The following COL5A2 variants were observed in gnomAD, a reference collection of about 807,000 sequenced individuals.
The protein encoded by COL5A2 is collagen type V alpha 2 chain.
A neutral mutation model predicts 208.2 loss-of-function variants in COL5A2; 23 were observed. The observed-to-expected ratio is 0.11, with a 90% CI of 0.08 to 0.16. The LOEUF (loss-of-function observed/expected upper bound fraction) is 0.16. Among genes scored for constraint, COL5A2 ranks in the 10% least tolerant of loss-of-function variants. COL5A2 has a pLI of 1.00. For synonymous variants in COL5A2, 625 were observed against 628.5 expected, an observed-to-expected ratio of 0.99 and a Z score of 0.08; for missense variants, 1,590 against 1,956.4, an observed-to-expected ratio of 0.81 and a Z score of 3.53.
At chr2:189,366,099 T>C in the COL5A2 span, among the ~76,000 whole-genome samples, 66 of 152,288 alleles carry the variant, frequency 4.3e-4, no homozygotes, top group African/African-American at 1.5e-3. Flanking sequence ...GAGAGTTCTT[T>C]TATTTTGAGA....
rs778927121 is a variant in COL5A2, at chr2:189,034,198, C to T, written c.4372G>A (p.Gly1458Ser). The part of the protein sequence containing the change: ...DTCSKRNGNV[G>S]KTVFEYRTQN... ...GTTCTATATTCAAAGACAGTCTTGC[C>T]CACATTTCCATTCCGCTTCTGAAAT... The change falls in exon 54 of 54, where the codon GGC (glycine) becomes AGC (serine). Residue 1458 changes from glycine (G) to serine (S), a missense_variant. Gly to Ser is a moderately conservative substitution (Grantham distance 56, BLOSUM62 0). Coordinates refer to ENST00000374866, the MANE Select transcript of COL5A2 (RefSeq NM_000393.5). 1.9e-6 allele frequency: 3 copies of T among 1,613,892 alleles called. No individual in the cohort carries two copies. The highest frequency in any genetic ancestry group is 2.2e-5 in the South Asian group (2 of 91,072).
At chr2:189,191,354 C>T (rs1467465177) in intron 1 of COL5A2, among the ~76,000 whole-genome samples, 2 of 151,938 alleles carry the variant, frequency 1.3e-5, no homozygotes, top group Non-Finnish European at 2.9e-5. Context: ...AAGCTAACTG[C>T]AATAGGCCGG....
At chr2:189,068,516 A>G (rs1041749754) in intron 19 of COL5A2, among the ~76,000 whole-genome samples, 2 of 152,160 alleles carry the variant, frequency 1.3e-5, no homozygotes, top group Non-Finnish European at 2.9e-5. Flanking sequence ...GAATTCAGAG[A>G]ATATATTAAA....
At chr2:189,427,945 A>G in the COL5A2 span, among the ~76,000 whole-genome samples, 2 of 152,150 alleles carry the variant, frequency 1.3e-5, no homozygotes, top group African/African-American at 4.8e-5. Flanking sequence ...CATTTACCCA[A>G]TGCCTTTACC....
At chr2:189,285,071 G>GGTGGGTGTGT in the COL5A2 span, among the ~76,000 whole-genome samples, 1 of 139,702 alleles carries the variant, frequency 7.2e-6, no homozygotes, top group African/African-American at 2.6e-5. Context: ...GCATGCACAT[G>GGTGGGTGTGT]GTGTGTGTGT....
At chr2:189,359,286 A>T in the COL5A2 span, among the ~76,000 whole-genome samples, 3 of 152,064 alleles carry the variant, frequency 2.0e-5, no homozygotes, top group African/African-American at 7.2e-5. Flanking sequence ...TCATAAGCAG[A>T]TGTTGAATTT....
the COL5A2 span, among the ~76,000 whole-genome samples, chr2:189,246,597 A>T: frequency 2.0e-5 from 3 of 152,234 alleles, no homozygotes; most frequent in Non-Finnish European, 4.4e-5. Flanking sequence ...TGACTATAAG[A>T]GGCTGAGAAA....
At chr2:189,053,152 A>C in intron 38 of COL5A2, 134 bp from the exon 39 acceptor site, 1 of 800,668 alleles carries the variant, frequency 1.2e-6, no homozygotes. Context: ...AAGCATACTA[A>C]AGGAAAAAAA....
intron 47 of COL5A2, among the ~76,000 whole-genome samples, 158 bp downstream of exon 47, chr2:189,045,021 C>G (rs1685635122): frequency 6.6e-6 from 1 of 151,848 alleles, no homozygotes; most frequent in South Asian, 2.1e-4. Context: ...ACTCGTATTA[C>G]TTTAAAAAAT....
chr2:189,034,020 G>T lies in COL5A2; in HGVS notation c.*50C>A, dbSNP rs1338174834. 1.2e-6 allele frequency: 2 copies of T among 1,612,088 alleles called. No homozygotes were observed. The highest frequency in any genetic ancestry group is 8.5e-7 in the Non-Finnish European group (1 of 1,178,772). ...TCAAACAGTCAAAGTTCTTGTGAAT[G>T]GCGGTGGTCATTGATGGTGGTGCTC... On this transcript the variant is annotated 3_prime_UTR_variant, in exon 54 of 54. Transcript: ENST00000374866.
At chr2:189,058,664 T>C (rs1685953766) in intron 32 of COL5A2, 137 bp from the exon 33 acceptor site, 1 of 984,948 alleles carries the variant, frequency 1.0e-6, no homozygotes, top group Non-Finnish European at 1.6e-6. Context: ...AATTTAGTGA[T>C]AAGAAATAAA....
the COL5A2 span, among the ~76,000 whole-genome samples, chr2:189,285,855 C>G: frequency 1.3e-5 from 2 of 152,056 alleles, no homozygotes; most frequent in South Asian, 4.1e-4. Context: ...AACCATGAAG[C>G]AAATGAGTGG....
chr2:189,404,177 T>G, the COL5A2 span, among the ~76,000 whole-genome samples: 1 of 152,238 alleles, frequency 6.6e-6, no homozygotes, highest in Non-Finnish European at 1.5e-5. Flanking sequence ...CCCAGAAAGC[T>G]GGTAAAATAT....
At chr2:189,085,624 A>G in intron 10 of COL5A2, 95 bp downstream of exon 10, 3 of 1,034,410 alleles carry the variant, frequency 2.9e-6, no homozygotes, top group Non-Finnish European at 4.5e-6. Context: ...TTCCTACATT[A>G]GGGAGGACCT....
chr2:189,082,528 T>C (rs1471736647), intron 12 of COL5A2, among the ~76,000 whole-genome samples: 1 of 152,220 alleles, frequency 6.6e-6, no homozygotes, highest in Non-Finnish European at 1.5e-5. Context: ...CGTCTAAGCC[T>C]ATAGGGGAAT....
rs776395381 is a variant in COL5A2, at chr2:189,058,864, G to A, written c.2115C>T (p.Gly705=). 1 of 1,613,054 alleles carries A rather than the reference G, an allele frequency of 6.2e-7. No homozygotes were observed. The highest frequency in any genetic ancestry group is 8.5e-7 in the Non-Finnish European group (1 of 1,179,638). The part of the protein sequence containing the change: ...QGVPGDPGAV[G]PLGPRGERGN... ...AAATACTTACTCTAGGTCCTAACGGGCCAACTGCTCCGGGATCTCCAGGAA... is the reference window on the plus strand; with the variant it reads ...AAATACTTACTCTAGGTCCTAACGGACCAACTGCTCCGGGATCTCCAGGAA... The change falls in exon 32 of 54, where the codon GGC becomes GGT. Residue 705 remains glycine, a synonymous_variant. Transcript: ENST00000374866.
the COL5A2 span, among the ~76,000 whole-genome samples, chr2:189,334,761 G>A: frequency 1.3e-5 from 2 of 151,928 alleles, no homozygotes; most frequent in Non-Finnish European, 2.9e-5. Context: ...CAAAGTATTA[G>A]AAAAGCCAAA....
the COL5A2 span, among the ~76,000 whole-genome samples, chr2:189,405,117 A>T: frequency 6.6e-6 from 1 of 152,224 alleles, no homozygotes; most frequent in Non-Finnish European, 1.5e-5. Flanking sequence ...TATAGGCATT[A>T]ACCATTATTA....
chr2:189,196,870 A>G (rs1308891114), intron 1 of COL5A2, among the ~76,000 whole-genome samples: 1 of 152,206 alleles, frequency 6.6e-6, no homozygotes, highest in East Asian at 1.9e-4. Context: ...TAGTTCAACC[A>G]TTGTGAAAGA....
Sources: gnomAD v4.1 joint callset for allele counts (sites outside exome capture counted in the v4.1 genomes callset) on GRCh38, gnomAD v4.1.1 for gene constraint, MANE v1.5 for transcripts, NCBI Gene and HGNC (gene_info 2026-07-23, HGNC 2026-07-21) for gene names.